Variants in NECAB1 observed in about 807,000 individuals in gnomAD.
The protein encoded by NECAB1 is N-terminal EF-hand calcium binding protein 1.
NECAB1 carries 29 observed loss-of-function variants against 57.5 expected under a neutral mutation model. That is an observed-to-expected ratio of 0.50 (90% CI 0.38 to 0.69). The LOEUF is 0.69. Among genes scored for constraint, NECAB1 ranks in the 30% least tolerant of loss-of-function variants. The pLI is 0.00. For missense variants in NECAB1, 372 were observed against 413.8 expected, an observed-to-expected ratio of 0.90 and a Z score of 0.88; for synonymous variants, 142 against 147.7, an observed-to-expected ratio of 0.96 and a Z score of 0.28.
chr8:90,840,387 G>A (rs1452083164), intron 3 of NECAB1, among the ~76,000 whole-genome samples: 1 of 152,214 alleles, frequency 6.6e-6, no homozygotes, highest in East Asian at 1.9e-4. Flanking sequence ...GAGCCACAGT[G>A]AGATTGGGTC....
At chr8:90,856,328 A>G (rs1233777025) in intron 3 of NECAB1, among the ~76,000 whole-genome samples, 1 of 152,178 alleles carries the variant, frequency 6.6e-6, no homozygotes, top group African/African-American at 2.4e-5. Flanking sequence ...TTTTTTTAAA[A>G]AAAAGTGTAT....
chr8:90,870,522 T>C (rs1808604109), intron 3 of NECAB1, among the ~76,000 whole-genome samples: 1 of 152,214 alleles, frequency 6.6e-6, no homozygotes, highest in Non-Finnish European at 1.5e-5. Flanking sequence ...TATTACAGTG[T>C]TTCTTTTAAC....
chr8:90,913,620 T>TG (rs1462987098), intron 5 of NECAB1, among the ~76,000 whole-genome samples: 1 of 152,204 alleles, frequency 6.6e-6, no homozygotes, highest in Non-Finnish European at 1.5e-5. Flanking sequence ...ACCAGTCTTT[T>TG]GGGGAATTAG....
chr8:90,953,164 G>A (rs1317485082), intron 12 of NECAB1, among the ~76,000 whole-genome samples: 2 of 152,122 alleles, frequency 1.3e-5, no homozygotes, highest in African/African-American at 4.8e-5. Flanking sequence ...GTCTTTCCAG[G>A]ACAGAAACAA....
At chr8:90,804,176 T>C (rs1395141097) in intron 2 of NECAB1, among the ~76,000 whole-genome samples, 2 of 152,170 alleles carry the variant, frequency 1.3e-5, no homozygotes, top group South Asian at 4.1e-4. Flanking sequence ...ATACAGTATA[T>C]ATACTATTCA....
intron 4 of NECAB1, among the ~76,000 whole-genome samples, chr8:90,878,375 G>T (rs1487762924): frequency 6.6e-6 from 1 of 152,110 alleles, no homozygotes; most frequent in Non-Finnish European, 1.5e-5. Flanking sequence ...GTGAACACTC[G>T]CTATGATGAA....
intron 10 of NECAB1, among the ~76,000 whole-genome samples, chr8:90,949,089 C>G (rs1467894886): frequency 6.6e-6 from 1 of 151,566 alleles, no homozygotes; most frequent in African/African-American, 2.4e-5. Flanking sequence ...ACAAAAAACC[C>G]TTGCAATTAT....
At chr8:90,908,777 T>A (rs1440736013) in intron 5 of NECAB1, among the ~76,000 whole-genome samples, 1 of 152,154 alleles carries the variant, frequency 6.6e-6, no homozygotes, top group Non-Finnish European at 1.5e-5. Context: ...CCACATGCTC[T>A]GTCCCAATTA....
chr8:90,894,386 T>A (rs1054973682), intron 5 of NECAB1, among the ~76,000 whole-genome samples: 1 of 152,140 alleles, frequency 6.6e-6, no homozygotes, highest in Non-Finnish European at 1.5e-5. Context: ...ACTATACAAA[T>A]CAGAATATGT....
intron 4 of NECAB1, among the ~76,000 whole-genome samples, chr8:90,876,189 C>G (rs761367102): frequency 7.2e-5 from 11 of 152,130 alleles, no homozygotes; most frequent in Non-Finnish European, 1.2e-4. Context: ...GCCAGCAAGT[C>G]TGAGTGCTAG....
At chr8:90,938,417 C>T (rs1179446050) in intron 9 of NECAB1, among the ~76,000 whole-genome samples, 2 of 152,158 alleles carry the variant, frequency 1.3e-5, no homozygotes, top group Admixed American at 1.3e-4. Flanking sequence ...AAGCTTCAGG[C>T]TGTGTATTTG....
chr8:90,829,064 T>C (rs1812265853), intron 3 of NECAB1, among the ~76,000 whole-genome samples: 1 of 152,080 alleles, frequency 6.6e-6, no homozygotes, highest in African/African-American at 2.4e-5. Context: ...CTCTCAATCA[T>C]TGTAGTGAGC....
chr8:90,827,671 G>T (rs1195257347), intron 3 of NECAB1, among the ~76,000 whole-genome samples: 1 of 151,824 alleles, frequency 6.6e-6, no homozygotes, highest in Non-Finnish European at 1.5e-5. Flanking sequence ...AAAATAATAA[G>T]AACATATCTG....
At chr8:90,807,975 T>A (rs1329982743) in intron 2 of NECAB1, among the ~76,000 whole-genome samples, 1 of 152,106 alleles carries the variant, frequency 6.6e-6, no homozygotes. Flanking sequence ...ATGATTTTTT[T>A]AACAAAATAA....
intron 12 of NECAB1, among the ~76,000 whole-genome samples, chr8:90,951,936 G>A (rs1810930938): frequency 6.6e-6 from 1 of 152,098 alleles, no homozygotes; most frequent in African/African-American, 2.4e-5. Flanking sequence ...AGGGTCCTTT[G>A]GTAAATTTGG....
chr8:90,927,906 G>A (rs918881077), intron 7 of NECAB1, among the ~76,000 whole-genome samples: 1 of 151,802 alleles, frequency 6.6e-6, no homozygotes, highest in Non-Finnish European at 1.5e-5. Flanking sequence ...ATTGTTGATT[G>A]ATGCTTTCCT....
intron 5 of NECAB1, among the ~76,000 whole-genome samples, chr8:90,888,578 G>T (rs1809071108): frequency 6.6e-6 from 1 of 152,114 alleles, no homozygotes; most frequent in African/African-American, 2.4e-5. Flanking sequence ...TGTTGAAGTT[G>T]TTCTTTCCCA....
At chr8:90,899,310 T>C (rs974865773) in intron 5 of NECAB1, among the ~76,000 whole-genome samples, 2 of 152,158 alleles carry the variant, frequency 1.3e-5, no homozygotes, top group Non-Finnish European at 2.9e-5. Flanking sequence ...TGCCATAGTG[T>C]ATACCAGGAT....
chr8:90,955,532 T>G lies in NECAB1; in HGVS notation c.*20T>G, dbSNP rs370111935. On this transcript the variant is annotated 3_prime_UTR_variant, in exon 13 of 13. Coordinates refer to ENST00000417640, the MANE Select transcript of NECAB1 (RefSeq NM_022351.5). ...AACTAGATGTTCCTAGACATTTTCTTTATGGTTCCAAGTGCAAAACAGGTG... is the reference window on the plus strand; with the variant it reads ...AACTAGATGTTCCTAGACATTTTCTGTATGGTTCCAAGTGCAAAACAGGTG... 2 of 1,546,226 alleles carry G rather than the reference T, an allele frequency of 1.3e-6. No individual in the cohort carries two copies. The highest frequency in any genetic ancestry group is 1.8e-6 in the Non-Finnish European group (2 of 1,142,762).
Sources: gnomAD v4.1 joint callset for allele counts (sites outside exome capture counted in the v4.1 genomes callset) on GRCh38, gnomAD v4.1.1 for gene constraint, MANE v1.5 for transcripts, NCBI Gene and HGNC (gene_info 2026-07-23, HGNC 2026-07-21) for gene names.